GPR158: variants seen among roughly 807,000 people sequenced by gnomAD.
GPR158 encodes the protein G protein-coupled receptor 158.
In GPR158, 30 loss-of-function variants were observed where a neutral mutation model predicts 78.2. The ratio of observed to expected loss-of-function variants is 0.38; its 90% confidence interval spans 0.29 to 0.52. GPR158 has a LOEUF of 0.52. Among genes scored for constraint, GPR158 ranks in the 20% least tolerant of loss-of-function variants. The pLI is 0.83. For missense variants in GPR158, 1,463 were observed against 1,523.5 expected (o/e 0.96, Z 0.66); for synonymous variants, 581 against 591.1 (o/e 0.98, Z 0.25).
At chr10:25,299,452 A>T (rs892172706) in intron 2 of GPR158, among the ~76,000 whole-genome samples, 1 of 152,002 alleles carries the variant, frequency 6.6e-6, no homozygotes, top group African/African-American at 2.4e-5. Flanking sequence ...TACATATTTG[A>T]TCTTGTTTTA....
At chr10:25,426,930 A>G (rs554189784) in intron 4 of GPR158, among the ~76,000 whole-genome samples, 1 of 152,220 alleles carries the variant, frequency 6.6e-6, no homozygotes, top group Non-Finnish European at 1.5e-5. Context: ...TTTACTTACC[A>G]CAGTTTCAAT....
chr10:25,380,209 C>T (rs1174703660), intron 2 of GPR158, among the ~76,000 whole-genome samples: 1 of 152,116 alleles, frequency 6.6e-6, no homozygotes, highest in African/African-American at 2.4e-5. Context: ...TGTCACAAGT[C>T]TCTTAGAAAT....
At chr10:25,446,799 G>A (rs912636773) in intron 4 of GPR158, among the ~76,000 whole-genome samples, 1 of 152,194 alleles carries the variant, frequency 6.6e-6, no homozygotes, top group African/African-American at 2.4e-5. Flanking sequence ...TGATCTGAAT[G>A]TTTAACAGCA....
intron 2 of GPR158, among the ~76,000 whole-genome samples, chr10:25,245,968 T>G (rs1301300480): frequency 6.6e-6 from 1 of 152,222 alleles, no homozygotes; most frequent in African/African-American, 2.4e-5. Flanking sequence ...TAAAATAGAA[T>G]TTTGTTTCTG....
chr10:25,566,109 A>C (rs1170826094), intron 6 of GPR158, among the ~76,000 whole-genome samples: 2 of 152,166 alleles, frequency 1.3e-5, no homozygotes, highest in East Asian at 3.9e-4. Context: ...AGGAGACAGG[A>C]TCTTACAGGA....
intron 4 of GPR158, among the ~76,000 whole-genome samples, chr10:25,432,573 C>A (rs1325073149): frequency 2.0e-5 from 3 of 152,106 alleles, no homozygotes; most frequent in Non-Finnish European, 4.4e-5. Flanking sequence ...ACATATGTAA[C>A]CTATAAAATA....
intron 4 of GPR158, among the ~76,000 whole-genome samples, chr10:25,443,829 C>T (rs190170869): frequency 7.8e-4 from 119 of 152,120 alleles, no homozygotes; most frequent in Non-Finnish European, 1.4e-3. Context: ...TAGTCAGCTC[C>T]TGTTTCTTCT....
chr10:25,460,101 T>C (rs563758991), intron 4 of GPR158, among the ~76,000 whole-genome samples: 5 of 152,226 alleles, frequency 3.3e-5, no homozygotes, highest in African/African-American at 1.2e-4. Flanking sequence ...TGGTGCCAAA[T>C]AAAAACTCAT....
chr10:25,476,334 T>C (rs970055176), intron 5 of GPR158, among the ~76,000 whole-genome samples: 2 of 151,950 alleles, frequency 1.3e-5, no homozygotes, highest in Admixed American at 6.6e-5. Flanking sequence ...TAATTTAAAA[T>C]CTAGAAGTTT....
At chr10:25,531,814 G>T (rs921460023) in intron 5 of GPR158, among the ~76,000 whole-genome samples, 1 of 152,240 alleles carries the variant, frequency 6.6e-6, no homozygotes, top group Admixed American at 6.5e-5. Flanking sequence ...AGGGAGGGAG[G>T]ATTATTACTC....
intron 5 of GPR158, among the ~76,000 whole-genome samples, chr10:25,476,553 C>T (rs1180998875): frequency 6.6e-6 from 1 of 152,032 alleles, no homozygotes; most frequent in East Asian, 1.9e-4. Context: ...CTAGAAGGGA[C>T]ACCATATACA....
At chr10:25,376,089 C>T (rs1003366890) in intron 2 of GPR158, among the ~76,000 whole-genome samples, 5 of 151,578 alleles carry the variant, frequency 3.3e-5, no homozygotes, top group African/African-American at 1.2e-4. Flanking sequence ...ATACAGATGC[C>T]ATACACTATT....
chr10:25,222,435 C>T (rs1853312086), intron 2 of GPR158, among the ~76,000 whole-genome samples: 1 of 151,666 alleles, frequency 6.6e-6, no homozygotes, highest in Non-Finnish European at 1.5e-5. Flanking sequence ...CCCCCCATTC[C>T]CTCACATCCA....
chr10:25,519,677 T>C (rs1162563115), intron 5 of GPR158, among the ~76,000 whole-genome samples: 1 of 139,292 alleles, frequency 7.2e-6, no homozygotes, highest in Non-Finnish European at 1.5e-5. Context: ...AAAATTCTTT[T>C]CTTTAAGAAT....
intron 5 of GPR158, among the ~76,000 whole-genome samples, chr10:25,516,764 G>T (rs779430477): frequency 1.3e-3 from 138 of 106,914 alleles, no homozygotes; most frequent in Admixed American, 1.6e-3. Flanking sequence ...TGCTGTTTTG[G>T]TTACTGTAGC....
At chr10:25,223,128 T>C (rs1324459620) in intron 2 of GPR158, among the ~76,000 whole-genome samples, 2 of 152,242 alleles carry the variant, frequency 1.3e-5, no homozygotes, top group East Asian at 3.8e-4. Context: ...TTGAAATTTA[T>C]AACTTTTGGG....
At chr10:25,180,607 G>A (rs1852600465) in intron 1 of GPR158, among the ~76,000 whole-genome samples, 1 of 152,312 alleles carries the variant, frequency 6.6e-6, no homozygotes, top group Middle Eastern at 3.4e-3. Flanking sequence ...AATTTGAGGT[G>A]GAACTTTGCC....
chr10:25,270,046 CAAGGACA>C (rs952644236), intron 2 of GPR158, among the ~76,000 whole-genome samples: 47 of 152,112 alleles, frequency 3.1e-4, no homozygotes, highest in African/African-American at 1.1e-3. Flanking sequence ...TCTACTGGTT[CAAGGACA>C]AAGATTTTTG....
intron 4 of GPR158, among the ~76,000 whole-genome samples, chr10:25,415,511 G>A (rs1384147061): frequency 5.3e-5 from 8 of 152,020 alleles, no homozygotes; most frequent in Non-Finnish European, 7.4e-5. Context: ...CAAGTGTTGC[G>A]GATGTGGAGA....
Sources: gnomAD v4.1 joint callset for allele counts (sites outside exome capture counted in the v4.1 genomes callset) on GRCh38, gnomAD v4.1.1 for gene constraint, MANE v1.5 for transcripts, NCBI Gene and HGNC (gene_info 2026-07-23, HGNC 2026-07-21) for gene names.